Variants in TMTC2 observed in about 807,000 individuals in gnomAD.
TMTC2 encodes the protein protein O-mannosyl-transferase TMTC2.
TMTC2 carries 43 observed loss-of-function variants against 82.4 expected under a neutral mutation model. The ratio of observed to expected loss-of-function variants is 0.52; its 90% confidence interval spans 0.41 to 0.67. The LOEUF is 0.67. Ranked by LOEUF, TMTC2 falls within the 30% of genes least tolerant of loss-of-function variation. The pLI, the probability that TMTC2 is intolerant of heterozygous loss-of-function variation, is 0.00. For synonymous variants in TMTC2, 408 were observed against 381.9 expected (o/e 1.07, Z -0.80); for missense variants, 919 against 1,012.4 (o/e 0.91, Z 1.25).
At chr12:82,708,198 T>G (rs1181540598) in intron 1 of TMTC2, among the ~76,000 whole-genome samples, 1 of 152,212 alleles carries the variant, frequency 6.6e-6, no homozygotes, top group Admixed American at 6.5e-5. Context: ...CGAAAAAGTT[T>G]GCCAACCCCT....
intron 1 of TMTC2, among the ~76,000 whole-genome samples, chr12:82,803,743 G>C (rs1879118593): frequency 6.6e-6 from 1 of 152,018 alleles, no homozygotes; most frequent in Admixed American, 6.6e-5. Flanking sequence ...CCAAGGAAAG[G>C]ATCACGGTAA....
At chr12:82,722,566 CAA>C (rs772607761) in intron 1 of TMTC2, among the ~76,000 whole-genome samples, 1 of 44,384 alleles carries the variant, frequency 2.3e-5, no homozygotes, top group Non-Finnish European at 3.7e-5. Context: ...GACTCCATCT[CAA>C]AAAAAAAAAA....
chr12:83,108,681 C>G (rs1415334226), intron 11 of TMTC2, among the ~76,000 whole-genome samples: 1 of 151,172 alleles, frequency 6.6e-6, no homozygotes, highest in Non-Finnish European at 1.5e-5. Context: ...TGGAGCAATG[C>G]AATAATAACA....
intron 9 of TMTC2, among the ~76,000 whole-genome samples, chr12:83,035,546 G>A (rs1015195158): frequency 7.2e-5 from 11 of 152,166 alleles, no homozygotes; most frequent in African/African-American, 2.2e-4. Context: ...AAATTTTAAG[G>A]AATGCGTAGA....
intron 1 of TMTC2, among the ~76,000 whole-genome samples, chr12:82,810,484 AC>A (rs1879441102): frequency 6.6e-6 from 1 of 151,868 alleles, no homozygotes; most frequent in Non-Finnish European, 1.5e-5. Context: ...AGAAAACAAA[AC>A]AAACATTTTA....
intron 9 of TMTC2, among the ~76,000 whole-genome samples, chr12:83,046,799 C>A (rs865953544): frequency 6.6e-6 from 1 of 152,240 alleles, no homozygotes; most frequent in Middle Eastern, 3.4e-3. Flanking sequence ...GATGAGAGGA[C>A]CGAGATCCAC....
At chr12:83,109,330 G>A (rs998095427) in intron 11 of TMTC2, among the ~76,000 whole-genome samples, 1 of 152,100 alleles carries the variant, frequency 6.6e-6, no homozygotes, top group Non-Finnish European at 1.5e-5. Context: ...TATTTTGACA[G>A]AGTACCATGG....
Position 82,895,976 on chromosome 12 carries a change from C to A in TMTC2, c.813C>A (p.Leu271=), listed in dbSNP as rs948239014. The A allele has an allele frequency of 3.7e-6, 6 of 1,613,794 alleles. No homozygotes were observed. Among genetic ancestry groups the A allele is most frequent in the Non-Finnish European group, 5.1e-6 (6 of 1,180,002 alleles). The part of the protein sequence containing the change: ...ADSDSLLTRT[L]TFFYLPTKNL... Reference sequence around the variant, plus strand: ...CGGACAGCCTCCTCACCCGCACTCTCACCTTCTTCTACTTGCCAACCAAGA... The same window carrying A: ...CGGACAGCCTCCTCACCCGCACTCTAACCTTCTTCTACTTGCCAACCAAGA... Residue 271 remains leucine (L), a synonymous_variant, in exon 3 of 12, where the codon CTC becomes CTA. Transcript: ENST00000321196.
chr12:82,736,174 C>T (rs921149386), intron 1 of TMTC2, among the ~76,000 whole-genome samples: 7 of 152,038 alleles, frequency 4.6e-5, no homozygotes, highest in Non-Finnish European at 7.4e-5. Context: ...AAAATGTAAT[C>T]GGAGTTGAAC....
intron 2 of TMTC2, among the ~76,000 whole-genome samples, chr12:82,859,112 G>C (rs572400794): frequency 6.7e-6 from 1 of 149,728 alleles, no homozygotes; most frequent in Non-Finnish European, 1.5e-5. Flanking sequence ...ACTGTCGCCA[G>C]GCTGGAGTGC....
intron 1 of TMTC2, among the ~76,000 whole-genome samples, chr12:82,790,859 GA>G (rs909975580): frequency 8.0e-5 from 12 of 150,606 alleles, no homozygotes; most frequent in Non-Finnish European, 1.6e-4. Context: ...AAAAGAAAAA[GA>G]AAAAATTCTT....
chr12:82,870,238 C>A (rs1872105579), intron 2 of TMTC2, among the ~76,000 whole-genome samples: 1 of 152,026 alleles, frequency 6.6e-6, no homozygotes, highest in Non-Finnish European at 1.5e-5. Context: ...TTCCTCCTTC[C>A]CTCCCACCTC....
At position 82,862,965 on chromosome 12, in the gene TMTC2, C is replaced by T. The variant is rs147164531; in HGVS notation, c.654+5385C>T. On this transcript the variant is annotated intron_variant, in intron 2 of 11. Transcript: ENST00000321196. ...TATTGAATGTAGTGTTTCTGTACTT[C>T]TGACTATTTTGTGTGGCTTTCTCTA... Among the ~76,000 whole-genome samples, 1,401 of 152,240 alleles carry T rather than the reference C, an allele frequency of 9.2e-3. 15 individuals are homozygous for T. Among genetic ancestry groups the T allele is most frequent in the African/African-American group, 0.032 (1,315 of 41,536 alleles).
chr12:82,971,917 G>T (rs1878465087), intron 7 of TMTC2, among the ~76,000 whole-genome samples: 1 of 152,072 alleles, frequency 6.6e-6, no homozygotes, highest in Non-Finnish European at 1.5e-5. Flanking sequence ...CTTTCTGGGA[G>T]ATTTCACAGT....
intron 2 of TMTC2, among the ~76,000 whole-genome samples, chr12:82,866,146 A>G (rs1276611572): frequency 1.3e-5 from 2 of 151,826 alleles, no homozygotes; most frequent in Non-Finnish European, 2.9e-5. Flanking sequence ...GCAGAAGGCA[A>G]GAAATAACTA....
chr12:83,112,787 A>G (rs546921679), intron 11 of TMTC2, among the ~76,000 whole-genome samples: 1 of 152,284 alleles, frequency 6.6e-6, no homozygotes, highest in South Asian at 2.1e-4. Context: ...CATGTGGCCA[A>G]GCTTTAGTAT....
chr12:83,090,498 A>G (rs1883805794), intron 11 of TMTC2, among the ~76,000 whole-genome samples: 1 of 152,322 alleles, frequency 6.6e-6, no homozygotes, highest in South Asian at 2.1e-4. Flanking sequence ...ATGATTTTCT[A>G]TGATCAGCTC....
chr12:82,871,337 C>G, intron 2 of TMTC2, among the ~76,000 whole-genome samples: 1 of 151,348 alleles, frequency 6.6e-6, no homozygotes. Flanking sequence ...AATGAAAGAT[C>G]CAAGTAGTAT....
rs150200547 is a variant in TMTC2 at position 82,933,800 on chromosome 12, G to A, written c.1598+3255G>A. ...AGGAATATTGTTATAGGTAAAGACA[G>A]AGGAAAAATAGAAATGATCTTGGAA... is the stretch of plus-strand genomic sequence containing the variant. On this transcript the variant is annotated intron_variant, in intron 4 of 11. Coordinates refer to ENST00000321196, the MANE Select transcript of TMTC2 (RefSeq NM_152588.3). 1.6e-4 allele frequency among the ~76,000 whole-genome samples: 25 copies of A among 152,116 alleles called. No individual in the cohort carries two copies. In the East Asian group the frequency reaches 4.2e-3, roughly 26 times the overall value.
Sources: allele counts gnomAD v4.1 joint callset (sites outside exome capture counted in the v4.1 genomes callset), GRCh38; gene constraint gnomAD v4.1.1; transcripts MANE v1.5; gene names NCBI Gene and HGNC (gene_info 2026-07-23, HGNC 2026-07-21).